FLRT1: variants seen among roughly 807,000 people sequenced by gnomAD.
FLRT1 encodes the protein fibronectin leucine rich transmembrane protein 1.
A neutral mutation model predicts 30.9 loss-of-function variants in FLRT1; 14 were observed. The ratio of observed to expected loss-of-function variants is 0.45; its 90% CI spans 0.30 to 0.71. The LOEUF is 0.71. FLRT1 is among the 30% of genes least tolerant of loss of function. The pLI is 0.08. For missense variants in FLRT1, 737 were observed against 949.2 expected, an observed-to-expected ratio of 0.78 and a Z score of 2.94; for synonymous variants, 368 against 430.4, an observed-to-expected ratio of 0.85 and a Z score of 1.80.
chr11:64,039,375 C>T (rs1943442613), intron 1 of FLRT1, among the ~76,000 whole-genome samples: 1 of 152,154 alleles, frequency 6.6e-6, no homozygotes, highest in Non-Finnish European at 1.5e-5. Flanking sequence ...CTGGCTGCTG[C>T]CCCCGGTGTA....
rs374985494 is a variant in FLRT1 at position 64,036,812 on chromosome 11, C to A, written c.-1038+653C>A. Reference sequence around the variant, plus strand: ...GTGCCTGGGCGGGGGGCGGCGGGCACCCCCCATCCCCCAGCTCTCAAGACA... The same window carrying A: ...GTGCCTGGGCGGGGGGCGGCGGGCAACCCCCATCCCCCAGCTCTCAAGACA... On this transcript the variant is annotated intron_variant, in intron 1 of 2. Coordinates refer to ENST00000682287, the MANE Select transcript of FLRT1 (RefSeq NM_013280.5). This position sits in a 1 kb window ranked among gnomAD's most constrained non-coding sequence, Gnocchi z 5.6. 6.6e-6 allele frequency among the ~76,000 whole-genome samples: 1 copy of A among 152,136 alleles called. No individual in the cohort carries two copies. The highest frequency in any genetic ancestry group is 1.5e-5 in the Non-Finnish European group (1 of 68,004).
intron 1 of FLRT1, among the ~76,000 whole-genome samples, chr11:64,086,516 G>A (rs1433310453): frequency 6.6e-6 from 1 of 151,166 alleles, no homozygotes; most frequent in Non-Finnish European, 1.5e-5. Flanking sequence ...CTAGCTGACC[G>A]CCCTGCCCCA....
chr11:64,116,850 G>A lies in FLRT1; in HGVS notation c.583G>A (p.Gly195Arg). The A allele has an allele frequency of 1.2e-6, 2 of 1,612,596 alleles. No individual in the cohort carries two copies. The highest frequency in any genetic ancestry group is 1.3e-5 in the African/African-American group (1 of 75,028). The change falls in exon 3 of 3, where the codon GGG becomes AGG. Residue 195 changes from glycine (G) to arginine (R), a missense_variant. Physicochemically the swap from Gly to Arg is moderately radical, Grantham distance 125 (BLOSUM62 -2). Transcript: ENST00000682287. ...GAACCACCTGAGCAGCATCCCCTCG[G>A]GGCTGCCGCACACGCTGGAGGAGCT... Reference protein sequence around the residue: ...SRNHLSSIPSGLPHTLEELRL... With the variant: ...SRNHLSSIPSRLPHTLEELRL...
chr11:64,058,769 C>T (rs1234660698), intron 1 of FLRT1, among the ~76,000 whole-genome samples: 4 of 152,232 alleles, frequency 2.6e-5, no homozygotes, highest in Non-Finnish European at 4.4e-5. Context: ...GGTGGCCAGA[C>T]GATTCCTCTG....
At chr11:64,050,450 G>A (rs1943672064) in intron 1 of FLRT1, among the ~76,000 whole-genome samples, 2 of 152,208 alleles carry the variant, frequency 1.3e-5, no homozygotes, top group South Asian at 4.1e-4. Context: ...CCAGATGCCC[G>A]GGCACTGCTT....
intron 2 of FLRT1, among the ~76,000 whole-genome samples, chr11:64,114,543 TGATGCATG>T (rs1944938354): frequency 1.2e-5 from 1 of 85,826 alleles, no homozygotes; most frequent in Non-Finnish European, 2.9e-5. Context: ...ATGTATGGAT[TGATGCATG>T]GATGGATGGA....
intron 1 of FLRT1, among the ~76,000 whole-genome samples, chr11:64,069,782 G>T (rs1369476503): frequency 6.6e-6 from 1 of 152,218 alleles, no homozygotes; most frequent in Non-Finnish European, 1.5e-5. Context: ...TCCGCACGCT[G>T]CCGGCCACTG....
chr11:64,087,706 G>A (rs1944419045), intron 1 of FLRT1, among the ~76,000 whole-genome samples: 1 of 152,216 alleles, frequency 6.6e-6, no homozygotes, highest in Non-Finnish European at 1.5e-5. Flanking sequence ...GATGCTGCAT[G>A]CTTGGCCTGG....
At chr11:64,076,472 G>A (rs548602463) in intron 1 of FLRT1, among the ~76,000 whole-genome samples, 49 of 152,178 alleles carry the variant, frequency 3.2e-4, no homozygotes, top group Non-Finnish European at 5.3e-4. Flanking sequence ...ACGGACGGAC[G>A]AATGGATGGA....
At chr11:64,042,815 A>G (rs142571824) in intron 1 of FLRT1, among the ~76,000 whole-genome samples, 1,673 of 151,814 alleles carry the variant, frequency 0.011, 41 homozygotes, top group African/African-American at 0.039. Context: ...GAGCCCTGAG[A>G]CCCCCACCAG....
chr11:64,040,351 G>A (rs1271099451), intron 1 of FLRT1, among the ~76,000 whole-genome samples: 1 of 152,184 alleles, frequency 6.6e-6, no homozygotes, highest in Admixed American at 6.5e-5. Flanking sequence ...AGAAACAAGG[G>A]CCTGGAGGAC....
chr11:64,118,128 A>G lies in FLRT1; in HGVS notation c.1861A>G (p.Met621Val), dbSNP rs1377124585. ...GGAAATCCGCGGCCCTGGGCTGCAG[A>G]TGCTGCCCATCAACCCGTACCGCGC... Reference protein sequence around the residue: ...ILEIRGPGLQMLPINPYRAKE... With the variant: ...ILEIRGPGLQVLPINPYRAKE... Residue 621 changes from methionine (M) to valine (V), a missense_variant, in exon 3 of 3, where the codon ATG becomes GTG. Physicochemically the swap from Met to Val is conservative, Grantham distance 21 (BLOSUM62 1). Coordinates refer to ENST00000682287, the MANE Select transcript of FLRT1 (RefSeq NM_013280.5). 1 of 1,613,294 alleles carries G rather than the reference A, an allele frequency of 6.2e-7. No homozygotes were observed. Among genetic ancestry groups the G allele is most frequent in the Non-Finnish European group, 8.5e-7 (1 of 1,179,624 alleles).
intron 1 of FLRT1, among the ~76,000 whole-genome samples, chr11:64,050,146 C>G (rs543546427): frequency 1.3e-5 from 2 of 152,116 alleles, no homozygotes; most frequent in Non-Finnish European, 2.9e-5. Context: ...GTGCAGGCTC[C>G]GTCTTCACCC....
rs532186794 is a variant in FLRT1 at position 64,116,863 on chromosome 11, C to T, written c.596C>T (p.Thr199Met). The T allele has an allele frequency of 7.4e-6, 12 of 1,612,410 alleles. No individual in the cohort carries two copies. Among genetic ancestry groups the T allele is most frequent in the South Asian group, 2.2e-5 (2 of 91,072 alleles). Reference protein sequence around the residue: ...LSSIPSGLPHTLEELRLDDNR... With the variant: ...LSSIPSGLPHMLEELRLDDNR... Reference sequence around the variant, plus strand: ...AGCATCCCCTCGGGGCTGCCGCACACGCTGGAGGAGCTGCGGCTGGATGAC... The same window carrying T: ...AGCATCCCCTCGGGGCTGCCGCACATGCTGGAGGAGCTGCGGCTGGATGAC... Residue 199 changes from threonine (T) to methionine (M), a missense_variant, in exon 3 of 3, where the codon ACG becomes ATG. Physicochemically the swap from Thr to Met is moderately conservative, Grantham distance 81. Transcript: ENST00000682287.
intron 1 of FLRT1, among the ~76,000 whole-genome samples, chr11:64,046,427 C>T (rs1228578589): frequency 6.6e-6 from 1 of 152,192 alleles, no homozygotes; most frequent in African/African-American, 2.4e-5. Context: ...TGCGAGGCTG[C>T]CCAAGGGGAC....
At chr11:64,066,048 C>T (rs1025486749) in intron 1 of FLRT1, among the ~76,000 whole-genome samples, 1 of 152,018 alleles carries the variant, frequency 6.6e-6, no homozygotes, top group African/African-American at 2.4e-5. Context: ...GTAATCCCAA[C>T]ACTTTGTGGG....
chr11:64,042,803 C>G (rs1398716267), intron 1 of FLRT1, among the ~76,000 whole-genome samples: 3 of 152,216 alleles, frequency 2.0e-5, no homozygotes, highest in Non-Finnish European at 4.4e-5. Flanking sequence ...CACCATGGCT[C>G]TGAGCCCTGA....
chr11:64,108,070 T>C lies in FLRT1; in HGVS notation c.-50+3889T>C, dbSNP rs1253149936. On this transcript the variant is annotated intron_variant, in intron 2 of 2. Coordinates refer to ENST00000682287, the MANE Select transcript of FLRT1 (RefSeq NM_013280.5). The stretch of plus-strand genomic sequence containing the variant: ...TTGAGACCCCTGTAATCCCAGCACT[T>C]TGGGAGGCCGAGGCGGGCAGATCAC... Among the ~76,000 whole-genome samples, 2 of 152,006 alleles carry C rather than the reference T, an allele frequency of 1.3e-5. 1 individual carries two copies. The highest frequency in any genetic ancestry group is 2.9e-5 in the Non-Finnish European group (2 of 67,988).
At chr11:64,037,972 C>G (rs1202474060) in intron 1 of FLRT1, among the ~76,000 whole-genome samples, 1 of 152,202 alleles carries the variant, frequency 6.6e-6, no homozygotes, top group East Asian at 1.9e-4. Context: ...CTGGAGGATT[C>G]TCAAGGGCTG....
Sources: gnomAD v4.1 joint callset for allele counts (sites outside exome capture counted in the v4.1 genomes callset) on GRCh38, gnomAD v4.1.1 for gene constraint, Gnocchi (gnomAD v3.1) non-coding constraint, MANE v1.5 for transcripts, NCBI Gene and HGNC (gene_info 2026-07-23, HGNC 2026-07-21) for gene names.